ELMO1: variants seen among roughly 807,000 people sequenced by gnomAD.
ELMO1 encodes the protein engulfment and cell motility protein 1.
A neutral mutation model predicts 98.9 loss-of-function variants in ELMO1; 26 were observed. The observed-to-expected ratio is 0.26, with a 90% CI of 0.19 to 0.36. The LOEUF (loss-of-function observed/expected upper bound fraction) is 0.36. Ranked by LOEUF, ELMO1 falls within the 10% of genes least tolerant of loss-of-function variation. The pLI, the probability that ELMO1 is intolerant of heterozygous loss-of-function variation, is 1.00. For missense variants in ELMO1, 627 were observed against 935.2 expected (o/e 0.67, Z 4.30); for synonymous variants, 346 against 346.0 (o/e 1.00, Z 0.00).
intron 17 of ELMO1, among the ~76,000 whole-genome samples, chr7:36,893,830 G>A (rs1193616217): frequency 1.3e-5 from 2 of 152,080 alleles, no homozygotes; most frequent in Non-Finnish European, 1.5e-5. Context: ...TCACAGGGAC[G>A]TAAAGAAATG....
At position 36,855,734 on chromosome 7, in the gene ELMO1, A is replaced by C. The variant is rs774585018; in HGVS notation, c.2001T>G (p.Asp667Glu). ...CCTTCCCGAGTAGCGCATTCAGTCC[A>C]TCCGTCCAGATACAGTACTGGCAGG... ...PDKHEYCIWT[D>E]GLNALLGKDM... The change falls in exon 22 of 22, where the codon GAT becomes GAG. Residue 667 changes from aspartate (D) to glutamate (E), a missense_variant. By Grantham distance (45) the Asp-to-Glu change is conservative (BLOSUM62 2). Around this residue, in one of 3 missense-constraint regions of ELMO1, gnomAD observed 492 missense variants for 715.6 expected, o/e 0.69. Transcript: ENST00000310758. The surrounding 1 kb of genome is among the most constrained non-coding windows in gnomAD (Gnocchi z 4.2). 3.7e-6 allele frequency: 6 copies of C among 1,613,862 alleles called. No individual in the cohort carries two copies. The highest frequency in any genetic ancestry group is 5.1e-6 in the Non-Finnish European group (6 of 1,179,956).
At chr7:37,071,296 T>A (rs973308755) in intron 15 of ELMO1, among the ~76,000 whole-genome samples, 2 of 152,164 alleles carry the variant, frequency 1.3e-5, no homozygotes, top group Non-Finnish European at 2.9e-5. Context: ...ACATGAATAG[T>A]AGGTAGAAAA....
At chr7:37,212,746 G>T (rs552379140) in intron 12 of ELMO1, among the ~76,000 whole-genome samples, 1 of 152,150 alleles carries the variant, frequency 6.6e-6, no homozygotes, top group Non-Finnish European at 1.5e-5. Flanking sequence ...AATGTGCTAC[G>T]GCAGGGCTCC....
intron 10 of ELMO1, among the ~76,000 whole-genome samples, chr7:37,221,060 G>C (rs10229122): frequency 0.28 from 42,678 of 151,924 alleles, 6,660 homozygotes; most frequent in African/African-American, 0.41. Flanking sequence ...CAGCCCTATC[G>C]ATGATTTCAC....
At chr7:37,365,790 G>A (rs1583631888) in intron 1 of ELMO1, among the ~76,000 whole-genome samples, 2 of 152,280 alleles carry the variant, frequency 1.3e-5, no homozygotes, top group East Asian at 3.9e-4. Flanking sequence ...ACTTTTTCGA[G>A]GCAGAGACAT....
chr7:36,947,295 G>A (rs1284357899), intron 16 of ELMO1, among the ~76,000 whole-genome samples: 1 of 152,214 alleles, frequency 6.6e-6, no homozygotes, highest in Non-Finnish European at 1.5e-5. Context: ...TGTGCCCAAA[G>A]CACTTCACAT....
At position 36,887,554 on chromosome 7, in the gene ELMO1, C is replaced by T; in HGVS notation, c.1714+6G>A. On this transcript the variant is annotated splice_donor_region_variant and intron_variant, in intron 18 of 21. Transcript: ENST00000310758. Reference sequence around the variant, plus strand: ...TCCAAGTTTGGAGTGTCCCCAGAAACAATACCTTGCCTCCGCCGGGCATTG... The same window carrying T: ...TCCAAGTTTGGAGTGTCCCCAGAAATAATACCTTGCCTCCGCCGGGCATTG... The T allele has an allele frequency of 1.9e-6, 3 of 1,613,906 alleles. No individual in the cohort carries two copies. The highest frequency in any genetic ancestry group is 1.1e-5 in the South Asian group (1 of 91,064).
At position 37,342,299 on chromosome 7, in the gene ELMO1, T is replaced by C. The variant is rs1800759489; in HGVS notation, c.78+314A>G. 6.6e-6 allele frequency among the ~76,000 whole-genome samples: 1 copy of C among 152,220 alleles called. No homozygotes were observed. Among genetic ancestry groups the C allele is most frequent in the Admixed American group, 6.5e-5 (1 of 15,286 alleles). On this transcript the variant is annotated intron_variant, in intron 2 of 21. Coordinates refer to ENST00000310758, the MANE Select transcript of ELMO1 (RefSeq NM_014800.11). This position sits in a 1 kb window ranked among gnomAD's most constrained non-coding sequence, Gnocchi z 4.3. ...ACAATCTGCACATATCCATGTGTCA[T>C]GGCAAGGCAGGGATGGGGCAGCCTC...
At chr7:37,075,543 T>A (rs1206660465) in intron 15 of ELMO1, among the ~76,000 whole-genome samples, 1 of 152,176 alleles carries the variant, frequency 6.6e-6, no homozygotes, top group Non-Finnish European at 1.5e-5. Flanking sequence ...GAAGCTGTTT[T>A]AAGGCCTAGC....
chr7:36,945,863 C>T (rs905399005), intron 16 of ELMO1, among the ~76,000 whole-genome samples: 14 of 152,164 alleles, frequency 9.2e-5, no homozygotes, highest in African/African-American at 2.4e-4. Context: ...TTAAAAGGGG[C>T]GAACACATCC....
At chr7:37,444,409 C>A (rs1805527024) in intron 1 of ELMO1, among the ~76,000 whole-genome samples, 1 of 152,242 alleles carries the variant, frequency 6.6e-6, no homozygotes, top group Non-Finnish European at 1.5e-5. Flanking sequence ...GCAAAGGGAG[C>A]TACTGCCTTT....
At chr7:36,901,590 C>G (rs1806509738) in intron 16 of ELMO1, among the ~76,000 whole-genome samples, 1 of 152,212 alleles carries the variant, frequency 6.6e-6, no homozygotes, top group African/African-American at 2.4e-5. Flanking sequence ...AAAATGAAAA[C>G]AACACCTGGC....
rs902093226 is a variant in ELMO1, at chr7:37,042,136, T to C, written c.1301-28701A>G. ...CCGTCTCTACGAAAAAAAAAAAAAA[T>C]ACAAAAACCATCCCACCACTGCACT... is the stretch of plus-strand genomic sequence containing the variant. On this transcript the variant is annotated intron_variant, in intron 15 of 21. Coordinates refer to ENST00000310758, the MANE Select transcript of ELMO1 (RefSeq NM_014800.11). Among the ~76,000 whole-genome samples, 4 of 105,924 alleles carry C rather than the reference T, an allele frequency of 3.8e-5. No individual in the cohort carries two copies. The South Asian group carries it at 1.1e-3, about 30-fold the overall frequency. The allele number at this position is 105,924 out of a possible 152,430, so 69.5% of individuals were successfully genotyped here. A position where few individuals can be genotyped will look rare whatever the true frequency, so the allele number is the denominator to read the frequency against.
At chr7:37,339,299 C>A (rs1479309926) in intron 2 of ELMO1, among the ~76,000 whole-genome samples, 14 of 152,174 alleles carry the variant, frequency 9.2e-5, no homozygotes, top group Admixed American at 9.2e-4. Context: ...TGTACAAGCT[C>A]CCTGGATGCT....
chr7:37,027,214 A>T (rs1794633068), intron 15 of ELMO1, among the ~76,000 whole-genome samples: 1 of 152,236 alleles, frequency 6.6e-6, no homozygotes, highest in Admixed American at 6.5e-5. Flanking sequence ...AATGAATAAC[A>T]TCACAAAGAA....
intron 20 of ELMO1, among the ~76,000 whole-genome samples, chr7:36,864,421 T>C (rs2129035820): frequency 1.3e-5 from 2 of 152,326 alleles, no homozygotes; most frequent in Non-Finnish European, 2.9e-5. Context: ...CAATTCCCAC[T>C]TTAATTTCAC....
At chr7:37,184,057 CG>C (rs1330416606) in intron 13 of ELMO1, among the ~76,000 whole-genome samples, 2 of 152,120 alleles carry the variant, frequency 1.3e-5, no homozygotes, top group Non-Finnish European at 2.9e-5. Flanking sequence ...TTATCACAGT[CG>C]TTTTGAACCT....
At chr7:37,023,954 A>G (rs947413730) in intron 15 of ELMO1, among the ~76,000 whole-genome samples, 2 of 152,146 alleles carry the variant, frequency 1.3e-5, no homozygotes, top group African/African-American at 4.8e-5. Flanking sequence ...CAAAAACTGT[A>G]ATAGACTTGA....
intron 4 of ELMO1, among the ~76,000 whole-genome samples, chr7:37,312,966 C>T (rs903354041): frequency 6.6e-6 from 1 of 152,208 alleles, no homozygotes; most frequent in East Asian, 1.9e-4. Context: ...TCACTACTCA[C>T]TAACTGGTAT....
Sources: gnomAD v4.1 joint callset for allele counts (sites outside exome capture counted in the v4.1 genomes callset) on GRCh38, gnomAD v4.1.1 for gene constraint, gnomAD v4.1.1 regional missense constraint, Gnocchi (gnomAD v3.1) non-coding constraint, MANE v1.5 for transcripts, NCBI Gene and HGNC (gene_info 2026-07-23, HGNC 2026-07-21) for gene names.